WDR47: variants seen among roughly 807,000 people sequenced by gnomAD.
WDR47 encodes WD repeat domain 47.
Under a neutral mutation model 97.2 loss-of-function variants are expected in WDR47, and 32 were observed. The ratio of observed to expected loss-of-function variants is 0.33; its 90% CI spans 0.25 to 0.44. The LOEUF is 0.44. WDR47 is among the 20% of genes least tolerant of loss of function. The probability of loss-of-function intolerance (pLI) is 1.00; values close to 1 mark genes in which losing one functional copy is unlikely to be tolerated. For synonymous variants in WDR47, 375 were observed against 373.5 expected (o/e 1.00, Z -0.05); for missense variants, 782 against 1,102.3 (o/e 0.71, Z 4.11).
chr1:109,008,170 T>C (rs904453206), intron 5 of WDR47, among the ~76,000 whole-genome samples: 2 of 152,128 alleles, frequency 1.3e-5, no homozygotes, highest in African/African-American at 2.4e-5. Context: ...TGAAGTTAGA[T>C]TCTCCTCTCT....
In WDR47 at chr1:108,970,881, T is replaced by C. The variant is rs1286890489; in HGVS notation, c.*549A>G. The C allele has an allele frequency of 6.6e-6, 1 of 152,416 alleles. No individual in the cohort carries two copies. Among genetic ancestry groups the C allele is most frequent in the African/African-American group, 2.4e-5 (1 of 41,442 alleles). The allele number at this position is 152,416 out of a possible 1,614,324, so 9.4% of individuals were successfully genotyped here. On this transcript the variant is annotated 3_prime_UTR_variant, in exon 15 of 15. Transcript: ENST00000369962. ...CATTCATCTTTAAACTCCACAATGATCCTTAAGTGAAAGCAACCATGTAAC... is the reference window on the plus strand; with the variant it reads ...CATTCATCTTTAAACTCCACAATGACCCTTAAGTGAAAGCAACCATGTAAC...
At chr1:109,018,958 A>C (rs1030381712) in intron 2 of WDR47, among the ~76,000 whole-genome samples, 2 of 152,140 alleles carry the variant, frequency 1.3e-5, no homozygotes, top group Non-Finnish European at 1.5e-5. Context: ...AGTCCCAGCT[A>C]TTCAGAAGGC....
chr1:109,002,005 G>T lies in WDR47; in HGVS notation c.1433+219C>A, dbSNP rs139159972. Among the ~76,000 whole-genome samples, 1,246 of 152,260 alleles carry T rather than the reference G, an allele frequency of 8.2e-3. 7 individuals carry two copies. Among genetic ancestry groups the T allele is most frequent in the Middle Eastern group, 0.024 (7 of 290 alleles). On this transcript the variant is annotated intron_variant, in intron 7 of 14. Coordinates refer to ENST00000369962, the MANE Select transcript of WDR47 (RefSeq NM_001142551.2). ...CTGGCTGTCAGCTGTTCAGTGCACT[G>T]AACCTCTGCACTCTTCTGCTCTAGT...
intron 13 of WDR47, among the ~76,000 whole-genome samples, chr1:108,979,881 C>T (rs1218893386): frequency 6.6e-6 from 1 of 152,200 alleles, no homozygotes; most frequent in Non-Finnish European, 1.5e-5. Flanking sequence ...AGGCCACTGA[C>T]TGACAGCAGT....
At chr1:109,005,850 A>T (rs1660566778) in intron 5 of WDR47, among the ~76,000 whole-genome samples, 1 of 152,160 alleles carries the variant, frequency 6.6e-6, no homozygotes, top group African/African-American at 2.4e-5. Context: ...GCCTGGTGAC[A>T]GAGTGAGACT....
chr1:109,011,909 T>C (rs185990348), intron 4 of WDR47, among the ~76,000 whole-genome samples, 191 bp from the exon 5 acceptor site: 2 of 152,338 alleles, frequency 1.3e-5, no homozygotes, highest in East Asian at 3.9e-4. Context: ...CTTGGTTTAT[T>C]AGTACATTAA....
At chr1:109,023,570 C>A (rs536592915) in intron 1 of WDR47, 49 bp from the exon 2 acceptor site, 1 of 1,549,972 alleles carries the variant, frequency 6.5e-7, no homozygotes, top group South Asian at 1.2e-5. Flanking sequence ...TGATTTATTT[C>A]TAAGTTTAAC....
chr1:108,973,737 T>C (rs184100544), intron 14 of WDR47, among the ~76,000 whole-genome samples: 8 of 151,966 alleles, frequency 5.3e-5, no homozygotes, highest in Non-Finnish European at 1.2e-4. Flanking sequence ...TTTTAAAATG[T>C]GCCATCCATG....
rs369190021 is a variant in WDR47, at chr1:108,976,371, G to GAA, written c.2399-1619_2399-1618dup. Among the ~76,000 whole-genome samples the GAA allele has an allele frequency of 1.7e-4, 23 of 132,386 alleles. No homozygotes were observed. The South Asian group carries it at 3.5e-3, about 20-fold the overall frequency. 86.9% of individuals were successfully genotyped at this position (132,386 alleles called of 152,430 possible). On this transcript the variant is annotated intron_variant, in intron 13 of 14. Coordinates refer to ENST00000369962, the MANE Select transcript of WDR47 (RefSeq NM_001142551.2). ...AACCATTATCAAAACTAGGGAAGAG[G>GAA]AAAAAAAAAAAACAGTAAGGAAGGT...
At chr1:109,016,781 G>C (rs1354546126) in intron 3 of WDR47, among the ~76,000 whole-genome samples, 2 of 150,494 alleles carry the variant, frequency 1.3e-5, no homozygotes, top group Admixed American at 6.6e-5. Context: ...AAAATAATTA[G>C]ATATAGTTAA....
chr1:109,033,896 G>A (rs1020878636), intron 1 of WDR47, among the ~76,000 whole-genome samples: 4 of 152,242 alleles, frequency 2.6e-5, no homozygotes, highest in African/African-American at 9.6e-5. Flanking sequence ...CTCCAGCCTG[G>A]CAACAGAGTG....
chr1:108,971,651 G>A, intron 14 of WDR47, 79 bp from the exon 15 acceptor site: 1 of 1,482,164 alleles, frequency 6.7e-7, no homozygotes, highest in South Asian at 1.2e-5. Context: ...GTTACTTTAA[G>A]ACATTACAGT....
chr1:108,998,497 G>A lies in WDR47; in HGVS notation c.1434-2660C>T, dbSNP rs184108454. ...AGCCTAGGCAACAGAGCAAGACTCC[G>A]CCTCAAAAAACAAAAAAAAAATGCT... On this transcript the variant is annotated intron_variant, in intron 7 of 14. Transcript: ENST00000369962. Among the ~76,000 whole-genome samples the A allele has an allele frequency of 1.6e-3, 245 of 151,466 alleles. 2 individuals are homozygous for A. The highest frequency in any genetic ancestry group is 0.016 in the South Asian group (77 of 4,778).
chr1:109,007,813 C>G (rs1403027632), intron 5 of WDR47, among the ~76,000 whole-genome samples: 1 of 152,126 alleles, frequency 6.6e-6, no homozygotes, highest in Non-Finnish European at 1.5e-5. Flanking sequence ...ACTTTAAAGA[C>G]TATGTTCAGG....
intron 8 of WDR47, among the ~76,000 whole-genome samples, 154 bp from the exon 9 acceptor site, chr1:108,991,483 G>A (rs1571167575): frequency 6.6e-6 from 1 of 152,114 alleles, no homozygotes; most frequent in Admixed American, 6.5e-5. Context: ...ATAAGCTCTG[G>A]ATTCAGTGGC....
chr1:108,985,351 C>T (rs1304223188), intron 10 of WDR47, among the ~76,000 whole-genome samples: 1 of 152,132 alleles, frequency 6.6e-6, no homozygotes, highest in Non-Finnish European at 1.5e-5. Context: ...TTCTCTTCTC[C>T]CTTCTCTTTA....
chr1:108,980,186 C>A (rs72984693), intron 13 of WDR47, among the ~76,000 whole-genome samples: 11 of 152,072 alleles, frequency 7.2e-5, no homozygotes, highest in Non-Finnish European at 1.5e-4. Context: ...AAAAAGGTTG[C>A]GGACTGCTGC....
chr1:109,025,460 G>A (rs200876480), intron 1 of WDR47, among the ~76,000 whole-genome samples: 1 of 142,212 alleles, frequency 7.0e-6, no homozygotes, highest in East Asian at 2.2e-4. Context: ...AGAAGGCTGG[G>A]CACAGTGGCT....
At chr1:109,007,816 T>C (rs1660730860) in intron 5 of WDR47, among the ~76,000 whole-genome samples, 1 of 152,158 alleles carries the variant, frequency 6.6e-6, no homozygotes, top group Non-Finnish European at 1.5e-5. Context: ...TTAAAGACTA[T>C]GTTCAGGCTG....
Sources: gnomAD v4.1 joint callset for allele counts (sites outside exome capture counted in the v4.1 genomes callset) on GRCh38, gnomAD v4.1.1 for gene constraint, MANE v1.5 for transcripts, NCBI Gene and HGNC (gene_info 2026-07-23, HGNC 2026-07-21) for gene names.